USH2A: variants seen among roughly 807,000 people sequenced by gnomAD.
USH2A encodes Usher syndrome 2A (autosomal recessive, mild).
A neutral mutation model predicts 538.9 loss-of-function variants in USH2A; 443 were observed. The observed-to-expected ratio is 0.82, with a 90% confidence interval of 0.76 to 0.89. The LOEUF is 0.89. Ranked by LOEUF, USH2A falls within the 40% of genes least tolerant of loss-of-function variation. The pLI, the probability that USH2A is intolerant of heterozygous loss-of-function variation, is 0.00. For missense variants in USH2A, 6,633 were observed against 6,324.8 expected, an observed-to-expected ratio of 1.05 and a Z score of -1.65; for synonymous variants, 2,413 against 2,273.5, an observed-to-expected ratio of 1.06 and a Z score of -1.75.
At chr1:216,198,238 C>T (rs774140798) in intron 18 of USH2A, 77 bp downstream of exon 18, 2 of 1,598,918 alleles carry the variant, frequency 1.3e-6, no homozygotes, top group Non-Finnish European at 1.7e-6. Flanking sequence ...TGTACTTTCA[C>T]AGTACTTTGA....
chr1:216,361,912 T>G (rs1316057885), intron 4 of USH2A, among the ~76,000 whole-genome samples: 1 of 152,180 alleles, frequency 6.6e-6, no homozygotes, highest in East Asian at 1.9e-4. Flanking sequence ...TGTATGATAG[T>G]TTGAGAACAG....
At position 215,888,905 on chromosome 1, in the gene USH2A, C is replaced by T; in HGVS notation, c.7744G>A (p.Val2582Ile). ...GRLYLRTPGNVTNCTVMHLHP... is the reference protein window; with the variant it reads ...GRLYLRTPGNITNCTVMHLHP... ...AAATGCATCACTGTGCAATTAGTGACATTTCCAGGAGTTCTCAAGTATAGA... is the reference window on the plus strand; with the variant it reads ...AAATGCATCACTGTGCAATTAGTGATATTTCCAGGAGTTCTCAAGTATAGA... Residue 2582 changes from valine (V) to isoleucine (I), a missense_variant, in exon 41 of 72, where the codon GTC (valine) becomes ATC (isoleucine). By Grantham distance (29) the Val-to-Ile change is conservative. Transcript: ENST00000307340. The T allele has an allele frequency of 6.2e-7, 1 of 1,614,124 alleles. No individual in the cohort carries two copies. The highest frequency in any genetic ancestry group is 8.5e-7 in the Non-Finnish European group (1 of 1,180,016).
intron 50 of USH2A, among the ~76,000 whole-genome samples, chr1:215,796,225 C>T (rs931154978): frequency 1.2e-4 from 18 of 152,116 alleles, no homozygotes; most frequent in Middle Eastern, 3.4e-3. Flanking sequence ...GCTTACTTCA[C>T]GTTATTGTGC....
intron 58 of USH2A, among the ~76,000 whole-genome samples, chr1:215,746,560 C>T (rs997465106): frequency 1.3e-5 from 2 of 152,120 alleles, no homozygotes; most frequent in African/African-American, 2.4e-5. Context: ...TGTTGTCACT[C>T]GCTGACTTGC....
At chr1:216,320,862 C>T (rs1196913533) in intron 9 of USH2A, among the ~76,000 whole-genome samples, 1 of 151,910 alleles carries the variant, frequency 6.6e-6, no homozygotes, top group Non-Finnish European at 1.5e-5. Flanking sequence ...TCTATCAATC[C>T]ATCATTTATC....
chr1:216,084,760 A>AC lies in USH2A; in HGVS notation c.5104dup (p.Val1702GlyfsTer3). 1 of 1,613,522 alleles carries AC rather than the reference A, an allele frequency of 6.2e-7. No individual in the cohort carries two copies. Among genetic ancestry groups the AC allele is most frequent in the Non-Finnish European group, 8.5e-7 (1 of 1,179,692 alleles). ...GGGACATCCCTCCCAGCTGTTATAC[A>AC]CGTTGATTTGTTCTTCAGAACTCTG... On this transcript the variant is annotated frameshift_variant, in exon 25 of 72. Transcript: ENST00000307340. LOFTEE classifies it high-confidence loss of function.
intron 40 of USH2A, among the ~76,000 whole-genome samples, chr1:215,897,451 C>G (rs1465714281): frequency 1.3e-5 from 2 of 152,076 alleles, no homozygotes; most frequent in African/African-American, 4.8e-5. Flanking sequence ...CTTTGGGAGG[C>G]TGAGGCGGCT....
intron 21 of USH2A, among the ~76,000 whole-genome samples, chr1:216,171,997 A>G (rs796938427): frequency 6.6e-6 from 1 of 152,094 alleles, no homozygotes; most frequent in Non-Finnish European, 1.5e-5. Flanking sequence ...AATAGGTCCC[A>G]AAATAGCTTT....
At chr1:216,144,513 G>C (rs944195350) in intron 21 of USH2A, among the ~76,000 whole-genome samples, 2 of 152,052 alleles carry the variant, frequency 1.3e-5, no homozygotes, top group Middle Eastern at 3.2e-3. Context: ...TGATTGTTCA[G>C]CTATCAATAT....
chr1:216,370,974 C>T (rs2038703099), intron 3 of USH2A, among the ~76,000 whole-genome samples: 1 of 152,162 alleles, frequency 6.6e-6, no homozygotes, highest in South Asian at 2.1e-4. Flanking sequence ...TATATCATCC[C>T]ACTGCCTTCC....
chr1:216,214,856 G>A (rs146566404), intron 15 of USH2A, among the ~76,000 whole-genome samples: 23 of 151,874 alleles, frequency 1.5e-4, no homozygotes, highest in African/African-American at 4.1e-4. Context: ...AATTGTATAC[G>A]TGTGTGTGTG....
chr1:216,181,889 A>G (rs1218262552), intron 20 of USH2A, among the ~76,000 whole-genome samples: 1 of 152,136 alleles, frequency 6.6e-6, no homozygotes, highest in Non-Finnish European at 1.5e-5. Context: ...GTGTACATGC[A>G]TTAAATGCTG....
intron 47 of USH2A, among the ~76,000 whole-genome samples, chr1:215,818,994 T>TA (rs924972675): frequency 3.3e-5 from 5 of 151,750 alleles, no homozygotes; most frequent in African/African-American, 7.2e-5. Flanking sequence ...TCATTGTTTT[T>TA]AAAAAAATAG....
intron 21 of USH2A, among the ~76,000 whole-genome samples, chr1:216,120,604 C>T (rs111687238): frequency 0.026 from 3,964 of 151,984 alleles, 178 homozygotes; most frequent in African/African-American, 0.089. Context: ...TGGTCTCGAA[C>T]TCCTGACCTC....
Position 216,254,164 on chromosome 1 carries a change from T to C in USH2A, c.1972-3066A>G, listed in dbSNP as rs1303421031. 3.9e-5 allele frequency among the ~76,000 whole-genome samples: 6 copies of C among 152,216 alleles called. No homozygotes were observed. The East Asian group carries it at 1.2e-3, about 29-fold the overall frequency. ...TTCATTAATCTCTCTGTAACACATA[T>C]AGATTATAATTTCTGTATATTAACT... is the stretch of plus-strand genomic sequence containing the variant. On this transcript the variant is annotated intron_variant, in intron 11 of 71. Coordinates refer to ENST00000307340, the MANE Select transcript of USH2A (RefSeq NM_206933.4).
At chr1:216,093,601 G>T (rs548913429) in intron 22 of USH2A, among the ~76,000 whole-genome samples, 2 of 152,246 alleles carry the variant, frequency 1.3e-5, no homozygotes, top group East Asian at 3.9e-4. Context: ...GAGTCTTAAG[G>T]TATCGCATCC....
intron 55 of USH2A, among the ~76,000 whole-genome samples, chr1:215,779,544 T>C (rs1164591717): frequency 6.6e-6 from 1 of 152,150 alleles, no homozygotes; most frequent in African/African-American, 2.4e-5. Flanking sequence ...CCTTGGGGAA[T>C]GAAAATGCAT....
At position 215,993,627 on chromosome 1, in the gene USH2A, T is replaced by C. The variant is rs115305731; in HGVS notation, c.6658-460A>G. On this transcript the variant is annotated intron_variant, in intron 34 of 71. Coordinates refer to ENST00000307340, the MANE Select transcript of USH2A (RefSeq NM_206933.4). ...ACTGACTTCTAGGGAAGAAAAGATG[T>C]GCAGCAAATACAATTGCCTTTTATT... Among the ~76,000 whole-genome samples the C allele has an allele frequency of 4.5e-3, 678 of 152,300 alleles. 5 individuals carry two copies. Among genetic ancestry groups the C allele is most frequent in the Middle Eastern group, 0.027 (8 of 294 alleles).
chr1:215,950,418 A>T (rs376260542), intron 37 of USH2A, among the ~76,000 whole-genome samples: 2 of 152,210 alleles, frequency 1.3e-5, no homozygotes, highest in East Asian at 3.9e-4. Flanking sequence ...ATCTCAATAC[A>T]TTATATATGC....
Sources: allele counts gnomAD v4.1 joint callset (sites outside exome capture counted in the v4.1 genomes callset), GRCh38; gene constraint gnomAD v4.1.1; transcripts MANE v1.5; gene names NCBI Gene and HGNC (gene_info 2026-07-23, HGNC 2026-07-21).